GALNT17: variants seen among roughly 807,000 people sequenced by gnomAD.
GALNT17 encodes polypeptide N-acetylgalactosaminyltransferase 17, also known as UDP-GalNAc:polypeptide N-acetylgalactosaminyltransferase-like 3.
In GALNT17, 29 loss-of-function variants were observed where a neutral mutation model predicts 63.7. The ratio of observed to expected loss-of-function variants is 0.46; its 90% confidence interval spans 0.34 to 0.62. The LOEUF is 0.62. Among genes scored for constraint, GALNT17 ranks in the 20% least tolerant of loss-of-function variants. The pLI is 0.01. For synonymous variants in GALNT17, 305 were observed against 318.3 expected (o/e 0.96, Z 0.45); for missense variants, 603 against 799.6 (o/e 0.75, Z 2.97).
chr7:71,468,004 C>T (rs142321454), intron 5 of GALNT17, among the ~76,000 whole-genome samples: 374 of 152,176 alleles, frequency 2.5e-3, no homozygotes, highest in Admixed American at 3.3e-3. Flanking sequence ...ATGGTATGGT[C>T]TAGGGCATTC....
intron 1 of GALNT17, among the ~76,000 whole-genome samples, chr7:71,206,019 A>G (rs1421699930): frequency 6.7e-6 from 1 of 149,878 alleles, no homozygotes; most frequent in East Asian, 2.0e-4. Context: ...CAAATTACCA[A>G]ATTGCTTTGC....
chr7:71,326,200 G>T (rs909216353), intron 1 of GALNT17, among the ~76,000 whole-genome samples: 1 of 152,202 alleles, frequency 6.6e-6, no homozygotes, highest in Non-Finnish European at 1.5e-5. Flanking sequence ...GCTCATGCCT[G>T]TAATCCCAGT....
intron 5 of GALNT17, among the ~76,000 whole-genome samples, chr7:71,564,360 C>T (rs1316469060): frequency 2.2e-5 from 3 of 137,348 alleles, no homozygotes; most frequent in Admixed American, 1.7e-4. Flanking sequence ...GATCTCTGCT[C>T]ACTACAACCT....
At chr7:71,272,010 C>T (rs760662448) in intron 1 of GALNT17, among the ~76,000 whole-genome samples, 13 of 152,326 alleles carry the variant, frequency 8.5e-5, no homozygotes, top group Non-Finnish European at 1.0e-4. Context: ...CCTCCTGCCT[C>T]GGCCTCCCAA....
chr7:71,713,118 T>A lies in GALNT17; in HGVS notation c.*972T>A, dbSNP rs1037470240. On this transcript the variant is annotated 3_prime_UTR_variant, in exon 11 of 11. Coordinates refer to ENST00000333538, the MANE Select transcript of GALNT17 (RefSeq NM_022479.3). ...CTCTCTGAAGAGTATTTTTTTCGAT[T>A]GCCCTCTGGTTAGGGTGCACATATA... is the stretch of plus-strand genomic sequence containing the variant. 3 of 152,704 alleles carry A rather than the reference T, an allele frequency of 2.0e-5. No individual in the cohort carries two copies. Among genetic ancestry groups the A allele is most frequent in the African/African-American group, 7.2e-5 (3 of 41,458 alleles). The allele number at this position is 152,704 out of a possible 1,614,324, so 9.5% of individuals were successfully genotyped here.
chr7:71,640,801 C>T (rs966980093), intron 6 of GALNT17, among the ~76,000 whole-genome samples: 3 of 151,150 alleles, frequency 2.0e-5, no homozygotes, highest in Admixed American at 2.0e-4. Context: ...CACTTGACCC[C>T]AGGAGTTTAA....
chr7:71,467,599 T>C (rs1447651800), intron 5 of GALNT17, among the ~76,000 whole-genome samples: 2 of 151,920 alleles, frequency 1.3e-5, no homozygotes, highest in African/African-American at 4.8e-5. Flanking sequence ...AAAAATGACA[T>C]TTGGAGTAAT....
At chr7:71,201,705 C>A (rs1430614146) in intron 1 of GALNT17, among the ~76,000 whole-genome samples, 1 of 151,098 alleles carries the variant, frequency 6.6e-6, no homozygotes, top group Admixed American at 6.6e-5. Context: ...GCTTTCGGCT[C>A]ACTGCAACCT....
chr7:71,335,625 C>T lies in GALNT17; in HGVS notation c.314C>T (p.Pro105Leu), dbSNP rs1315864683. The T allele has an allele frequency of 9.9e-6, 16 of 1,612,244 alleles. No homozygotes were observed. Among genetic ancestry groups the T allele is most frequent in the East Asian group, 2.2e-5 (1 of 44,716 alleles). The change falls in exon 2 of 11, where the codon CCG becomes CTG. Residue 105 changes from proline (P) to leucine (L), a missense_variant. By Grantham distance (98) the Pro-to-Leu change is moderately conservative (BLOSUM62 -3). Coordinates refer to ENST00000333538, the MANE Select transcript of GALNT17 (RefSeq NM_022479.3). ...GGGGGCCTTCCGGCTACTCTTTCCC[C>T]GGCTGAAGAAGAAAAGGCTAAGGGA... ...GKGGLPATLS[P>L]AEEEKAKGPH...
In GALNT17 at chr7:71,342,288, A is replaced by AAG. The variant is rs1049425959; in HGVS notation, c.422+6566_422+6567dup. On this transcript the variant is annotated intron_variant, in intron 2 of 10. Coordinates refer to ENST00000333538, the MANE Select transcript of GALNT17 (RefSeq NM_022479.3). ...TGTCACATGGCAAGAGTGGGAGCAAAAGAGAGAGAGAGTGGGAGATGCCAC... is the reference window on the plus strand; with the variant it reads ...TGTCACATGGCAAGAGTGGGAGCAAAAGAGAGAGAGAGAGTGGGAGATGCCAC... Among the ~76,000 whole-genome samples, 224 of 152,108 alleles carry AAG rather than the reference A, an allele frequency of 1.5e-3. 1 individual carries two copies. The highest frequency in any genetic ancestry group is 5.1e-3 in the African/African-American group (213 of 41,492).
chr7:71,272,383 A>C (rs1044445189), intron 1 of GALNT17, among the ~76,000 whole-genome samples: 1 of 152,180 alleles, frequency 6.6e-6, no homozygotes. Context: ...CGTATGTTTC[A>C]CTTTGTAAAA....
chr7:71,132,784 G>GGGCC lies in GALNT17; in HGVS notation c.-12_-9dup. 6.3e-7 allele frequency: 1 copy of GGGCC among 1,576,890 alleles called. No homozygotes were observed. The highest frequency in any genetic ancestry group is 1.1e-5 in the South Asian group (1 of 87,406). ...CCGAGGGGGCGCAGGTCCGGGGCGA[G>GGGCC]GGCCGGCCGGGCTGTTTGATGGCTT... On this transcript the variant is annotated 5_prime_UTR_variant, in exon 1 of 11. Coordinates refer to ENST00000333538, the MANE Select transcript of GALNT17 (RefSeq NM_022479.3).
At chr7:71,327,036 CTGAAGCT>C (rs1791716826) in intron 1 of GALNT17, among the ~76,000 whole-genome samples, 2 of 152,278 alleles carry the variant, frequency 1.3e-5, no homozygotes, top group South Asian at 4.1e-4. Flanking sequence ...AATAGATGGC[CTGAAGCT>C]GGTTCTCCAG....
chr7:71,321,862 CTT>C (rs1563000928), intron 1 of GALNT17, among the ~76,000 whole-genome samples: 2 of 132,768 alleles, frequency 1.5e-5, no homozygotes, highest in African/African-American at 6.1e-5. Flanking sequence ...TCCTTCCTTC[CTT>C]CCTTTCCTTC....
chr7:71,197,230 C>T (rs755093283), intron 1 of GALNT17, among the ~76,000 whole-genome samples: 12 of 116,366 alleles, frequency 1.0e-4, no homozygotes, highest in African/African-American at 2.0e-4. Context: ...GACAGAGTGT[C>T]GCTCTTTCGC....
chr7:71,380,966 GT>G (rs796556141), intron 2 of GALNT17, among the ~76,000 whole-genome samples: 41 of 141,098 alleles, frequency 2.9e-4, no homozygotes, highest in East Asian at 8.3e-4. Flanking sequence ...TGGGGTTTTT[GT>G]TTTTTTTTTT....
At chr7:71,231,867 A>G (rs1789796244) in intron 1 of GALNT17, among the ~76,000 whole-genome samples, 1 of 151,884 alleles carries the variant, frequency 6.6e-6, no homozygotes, top group African/African-American at 2.4e-5. Flanking sequence ...TCTAAACCTA[A>G]TTACCTCCCA....
intron 5 of GALNT17, among the ~76,000 whole-genome samples, chr7:71,537,822 A>G (rs1178107990): frequency 6.6e-6 from 1 of 152,166 alleles, no homozygotes; most frequent in Non-Finnish European, 1.5e-5. Flanking sequence ...CAAAAAAACG[A>G]AAACAAAAAC....
chr7:71,506,566 C>T (rs1188569015), intron 5 of GALNT17, among the ~76,000 whole-genome samples: 1 of 152,136 alleles, frequency 6.6e-6, no homozygotes, highest in Non-Finnish European at 1.5e-5. Context: ...CCTACCTGGA[C>T]TTAGGAATAT....
Sources: gnomAD v4.1 joint callset for allele counts (sites outside exome capture counted in the v4.1 genomes callset) on GRCh38, gnomAD v4.1.1 for gene constraint, MANE v1.5 for transcripts, NCBI Gene and HGNC (gene_info 2026-07-23, HGNC 2026-07-21) for gene names.